Variants in NRXN1 observed in about 807,000 individuals in gnomAD.
NRXN1 encodes neurexin-1.
Under a neutral mutation model 150.9 loss-of-function variants are expected in NRXN1, and 39 were observed. The ratio of observed to expected loss-of-function variants is 0.26; its 90% CI spans 0.20 to 0.34. The LOEUF (loss-of-function observed/expected upper bound fraction) is 0.34. Among genes scored for constraint, NRXN1 ranks in the 10% least tolerant of loss-of-function variants. The probability of loss-of-function intolerance (pLI) is 1.00; values close to 1 mark genes in which losing one functional copy is unlikely to be tolerated. For missense variants in NRXN1, 1,815 were observed against 1,949.9 expected (o/e 0.93, Z 1.30); for synonymous variants, 924 against 757.0 (o/e 1.22, Z -3.62).
At chr2:50,459,991 A>G (rs1168175269) in intron 17 of NRXN1, among the ~76,000 whole-genome samples, 1 of 152,096 alleles carries the variant, frequency 6.6e-6, no homozygotes, top group Non-Finnish European at 1.5e-5. Flanking sequence ...TCGCATGGAA[A>G]AAAAACATTC....
chr2:50,785,279 C>T (rs1405248893), intron 5 of NRXN1, among the ~76,000 whole-genome samples: 2 of 128,990 alleles, frequency 1.6e-5, no homozygotes. Flanking sequence ...GACGGAGTCT[C>T]ATTCTGTCGC....
At chr2:50,288,790 T>G (rs1356886) in intron 17 of NRXN1, among the ~76,000 whole-genome samples, 128,446 of 152,194 alleles carry the variant, frequency 0.84, 54,383 homozygotes, top group African/African-American at 0.9. Flanking sequence ...AATTATGGGA[T>G]GTACACTTCA....
At chr2:50,369,876 C>A (rs2079884749) in intron 17 of NRXN1, among the ~76,000 whole-genome samples, 1 of 151,956 alleles carries the variant, frequency 6.6e-6, no homozygotes, top group East Asian at 1.9e-4. Flanking sequence ...AGAACCACTA[C>A]ATCACCATTG....
At chr2:50,097,566 A>C (rs938932472) in intron 18 of NRXN1, among the ~76,000 whole-genome samples, 1 of 152,214 alleles carries the variant, frequency 6.6e-6, no homozygotes, top group African/African-American at 2.4e-5. Flanking sequence ...GCAACACTGC[A>C]GACAGTATCA....
At chr2:50,075,707 C>G (rs1031557216) in intron 19 of NRXN1, among the ~76,000 whole-genome samples, 2 of 152,008 alleles carry the variant, frequency 1.3e-5, no homozygotes, top group African/African-American at 2.4e-5. Flanking sequence ...TTATCGAATG[C>G]CACTGTGGAA....
chr2:50,531,335 G>C lies in NRXN1; in HGVS notation c.2239C>G (p.Arg747Gly). Residue 747 changes from arginine (R) to glycine (G), a missense_variant, in exon 11 of 23, where the codon CGA (arginine) becomes GGA (glycine). By Grantham distance (125) the Arg-to-Gly change is moderately radical. Around this residue, in one of 6 missense-constraint regions of NRXN1, gnomAD observed 638 missense variants for 652.6 expected, o/e 0.98. Coordinates refer to ENST00000401669, the MANE Select transcript of NRXN1 (RefSeq NM_001330078.2). Reference protein sequence around the residue: ...TEAEDVSLRFRSQRAYGILMA... With the variant: ...TEAEDVSLRFGSQRAYGILMA... ...AGAATGCCATATGCACGCTGGGATC[G>C]GAACCGTAAGGAAACATCCTCAGCC... 1.2e-6 allele frequency: 2 copies of C among 1,613,254 alleles called. No individual in the cohort carries two copies. The highest frequency in any genetic ancestry group is 1.7e-6 in the Non-Finnish European group (2 of 1,179,634).
intron 8 of NRXN1, among the ~76,000 whole-genome samples, chr2:50,594,167 G>A (rs771404146): frequency 6.6e-5 from 10 of 151,992 alleles, no homozygotes; most frequent in African/African-American, 1.7e-4. Context: ...ACCCAGCCTC[G>A]GGCAGTTCTT....
chr2:50,697,837 T>C (rs1693150913), intron 5 of NRXN1, among the ~76,000 whole-genome samples: 2 of 152,198 alleles, frequency 1.3e-5, no homozygotes, highest in African/African-American at 2.4e-5. Context: ...TTTGTTCCTT[T>C]AACTCTTCAA....
Position 50,881,741 on chromosome 2 carries a change from T to A in NRXN1, c.832+40128A>T, listed in dbSNP as rs72840225. Among the ~76,000 whole-genome samples, 1,375 of 151,892 alleles carry A rather than the reference T, an allele frequency of 9.1e-3. 10 individuals are homozygous for A. The highest frequency in any genetic ancestry group is 0.023 in the South Asian group (109 of 4,810). ...GATTTAAATGTTAACCAAATAATAA[T>A]GTCTCTGAAATTGTATATAATTAAG... On this transcript the variant is annotated intron_variant, in intron 5 of 22. Transcript: ENST00000401669.
intron 17 of NRXN1, among the ~76,000 whole-genome samples, chr2:50,423,970 T>C (rs1210398958): frequency 6.6e-6 from 1 of 151,914 alleles, no homozygotes; most frequent in Non-Finnish European, 1.5e-5. Flanking sequence ...ACTGAAAATT[T>C]ACAGTGGAGA....
In NRXN1 at chr2:50,347,471, C is replaced by T; in HGVS notation, c.3365-110501G>A. 9.3e-7 allele frequency: 1 copy of T among 1,080,222 alleles called. No individual in the cohort carries two copies. Among genetic ancestry groups the T allele is most frequent in the Non-Finnish European group, 1.1e-6 (1 of 885,224 alleles). The allele number at this position is 1,080,222 out of a possible 1,614,324, so 66.9% of individuals were successfully genotyped here. ...ACCTCCTTTCAAGACAGAAGCAGAC[C>T]CCATGGAATCCAGGCGCCCCTTCCC... On this transcript the variant is annotated intron_variant, in intron 17 of 22. Coordinates refer to ENST00000401669, the MANE Select transcript of NRXN1 (RefSeq NM_001330078.2). This position sits in a 1 kb window ranked among gnomAD's most constrained non-coding sequence, Gnocchi z 4.9.
intron 10 of NRXN1, among the ~76,000 whole-genome samples, chr2:50,532,727 T>C (rs891610622): frequency 6.6e-6 from 1 of 152,058 alleles, no homozygotes; most frequent in Admixed American, 6.6e-5. Context: ...AGTAGGGAAG[T>C]TGCTTAGTAC....
intron 5 of NRXN1, among the ~76,000 whole-genome samples, chr2:50,869,625 G>C (rs1677463772): frequency 1.3e-5 from 2 of 151,774 alleles, no homozygotes; most frequent in Admixed American, 6.6e-5. Context: ...ATTACATATA[G>C]AGCTACTGAT....
At chr2:50,915,419 C>T (rs1011303005) in intron 5 of NRXN1, among the ~76,000 whole-genome samples, 1 of 151,586 alleles carries the variant, frequency 6.6e-6, no homozygotes, top group African/African-American at 2.4e-5. Flanking sequence ...CATCTGAAAA[C>T]CAGCATTTTA....
intron 5 of NRXN1, among the ~76,000 whole-genome samples, chr2:50,912,478 G>C (rs931173346): frequency 1.3e-5 from 2 of 151,934 alleles, no homozygotes; most frequent in East Asian, 3.9e-4. Context: ...GATAGTATTT[G>C]AAAGTGCCAC....
chr2:50,576,158 G>T (rs1018080175), intron 8 of NRXN1, among the ~76,000 whole-genome samples: 22 of 152,010 alleles, frequency 1.4e-4, no homozygotes, highest in Admixed American at 1.3e-3. Flanking sequence ...TCTTTATTTT[G>T]TAAAGAGATA....
intron 17 of NRXN1, among the ~76,000 whole-genome samples, chr2:50,345,178 GGGAGAGAACTA>G (rs1213489757): frequency 6.6e-6 from 1 of 152,186 alleles, no homozygotes; most frequent in Non-Finnish European, 1.5e-5. Flanking sequence ...GAGAATTTCT[GGGAGAGAACTA>G]GGAGAAGGAG....
chr2:50,033,149 C>T (rs1488548604), intron 21 of NRXN1, among the ~76,000 whole-genome samples: 1 of 151,816 alleles, frequency 6.6e-6, no homozygotes, highest in East Asian at 1.9e-4. Flanking sequence ...TGTTTCTACA[C>T]TGTCTAAAAC....
intron 2 of NRXN1, among the ~76,000 whole-genome samples, chr2:51,018,592 A>G (rs1159961419): frequency 6.6e-6 from 1 of 152,072 alleles, no homozygotes; most frequent in Non-Finnish European, 1.5e-5. Flanking sequence ...CTATCTTCTC[A>G]TTACGACATT....
Sources: gnomAD v4.1 joint callset for allele counts (sites outside exome capture counted in the v4.1 genomes callset) on GRCh38, gnomAD v4.1.1 for gene constraint, gnomAD v4.1.1 regional missense constraint, Gnocchi (gnomAD v3.1) non-coding constraint, MANE v1.5 for transcripts, NCBI Gene and HGNC (gene_info 2026-07-23, HGNC 2026-07-21) for gene names.